Variants in NTM observed in about 807,000 individuals in gnomAD.
NTM encodes neurotrimin, also known as IgLON family member 2.
Under a neutral mutation model 42.1 loss-of-function variants are expected in NTM, and 13 were observed. The observed-to-expected ratio is 0.31, with a 90% CI of 0.20 to 0.49. The LOEUF (loss-of-function observed/expected upper bound fraction) is 0.49. NTM is among the 20% of genes least tolerant of loss of function. The pLI, the probability that NTM is intolerant of heterozygous loss-of-function variation, is 0.99. For synonymous variants in NTM, 187 were observed against 179.2 expected (o/e 1.04, Z -0.35); for missense variants, 373 against 452.8 (o/e 0.82, Z 1.60).
chr11:132,106,393 A>G lies in NTM; in HGVS notation c.168-39889A>G, dbSNP rs567967557. On this transcript the variant is annotated intron_variant, in intron 2 of 8. Transcript: ENST00000683400. ...AGAGGTAATGAGACAACTGGGCTTT[A>G]TCTGGGAAAGGGGCAGCTTGGTCGG... 2.4e-3 allele frequency among the ~76,000 whole-genome samples: 371 copies of G among 152,330 alleles called. 4 individuals are homozygous for G. Among genetic ancestry groups the G allele is most frequent in the Non-Finnish European group, 4.6e-4 (31 of 68,030 alleles).
At chr11:131,560,424 A>C (rs1427018969) in intron 1 of NTM, among the ~76,000 whole-genome samples, 1 of 152,188 alleles carries the variant, frequency 6.6e-6, no homozygotes, top group Admixed American at 6.5e-5. Context: ...TTCTCTAGTA[A>C]TCATATGCTA....
At chr11:131,478,640 T>C (rs1215776059) in intron 1 of NTM, among the ~76,000 whole-genome samples, 1 of 152,220 alleles carries the variant, frequency 6.6e-6, no homozygotes, top group Non-Finnish European at 1.5e-5. Flanking sequence ...AGCACATTCA[T>C]AATCAGAGAC....
chr11:131,873,876 C>T (rs569161609), intron 1 of NTM, among the ~76,000 whole-genome samples: 9 of 141,454 alleles, frequency 6.4e-5, no homozygotes, highest in African/African-American at 1.8e-4. Context: ...TCTCATTGTT[C>T]AGCTCCCACT....
intron 1 of NTM, among the ~76,000 whole-genome samples, chr11:131,526,092 C>T (rs932787114): frequency 1.3e-5 from 2 of 152,182 alleles, no homozygotes; most frequent in African/African-American, 4.8e-5. Context: ...CACAACAGTG[C>T]CATTAGGCAA....
chr11:132,234,775 A>G (rs2088432986), intron 4 of NTM, among the ~76,000 whole-genome samples: 1 of 152,222 alleles, frequency 6.6e-6, no homozygotes, highest in Non-Finnish European at 1.5e-5. Context: ...TTTACATCAA[A>G]AAATTACTAG....
At chr11:131,414,728 C>G (rs1946765114) in intron 1 of NTM, among the ~76,000 whole-genome samples, 1 of 152,178 alleles carries the variant, frequency 6.6e-6, no homozygotes, top group Admixed American at 6.5e-5. Flanking sequence ...GTTCCTCATT[C>G]CTTCTTTAAC....
At chr11:132,286,877 G>C (rs1471834014) in intron 4 of NTM, among the ~76,000 whole-genome samples, 1 of 152,150 alleles carries the variant, frequency 6.6e-6, no homozygotes, top group Admixed American at 6.5e-5. Context: ...GAGAACCCTG[G>C]CTATTCTACC....
chr11:132,192,593 A>G (rs2079488160), intron 3 of NTM, among the ~76,000 whole-genome samples: 1 of 152,192 alleles, frequency 6.6e-6, no homozygotes, highest in Admixed American at 6.5e-5. Context: ...CAACTATGCA[A>G]TCAAGTATAT....
At chr11:131,854,820 C>T (rs2045941440) in intron 1 of NTM, among the ~76,000 whole-genome samples, 1 of 152,192 alleles carries the variant, frequency 6.6e-6, no homozygotes, top group African/African-American at 2.4e-5. Flanking sequence ...AGGGCATAAA[C>T]TGGGTGCTGC....
At chr11:132,279,341 C>T (rs144329193) in intron 4 of NTM, among the ~76,000 whole-genome samples, 1 of 152,204 alleles carries the variant, frequency 6.6e-6, no homozygotes, top group Non-Finnish European at 1.5e-5. Context: ...GACTTGGCCT[C>T]TGCTTCCTCC....
chr11:132,327,777 C>T (rs191743420), intron 7 of NTM, among the ~76,000 whole-genome samples: 244 of 151,796 alleles, frequency 1.6e-3, no homozygotes, highest in African/African-American at 5.7e-3. Flanking sequence ...TTTTCTGTCC[C>T]CCTCTCCCCT....
intron 1 of NTM, among the ~76,000 whole-genome samples, chr11:131,829,055 C>T (rs1212785491): frequency 2.0e-5 from 3 of 151,644 alleles, no homozygotes; most frequent in Admixed American, 6.6e-5. Context: ...ATTGAAAGTT[C>T]AAGATCATAT....
intron 4 of NTM, among the ~76,000 whole-genome samples, chr11:132,267,634 G>A (rs936430565): frequency 3.3e-5 from 5 of 151,920 alleles, no homozygotes; most frequent in African/African-American, 4.8e-5. Context: ...TGGCTGAAAT[G>A]GCAAAACCCT....
chr11:132,260,266 TTAAAGATAAGAGA>T (rs2139522720), intron 4 of NTM, among the ~76,000 whole-genome samples: 1 of 151,968 alleles, frequency 6.6e-6, no homozygotes. Flanking sequence ...CTTTTTTTTT[TTAAAGATAAGAGA>T]ACATAAGTTC....
At chr11:131,751,773 C>G (rs11222771) in intron 1 of NTM, among the ~76,000 whole-genome samples, 33,050 of 142,894 alleles carry the variant, frequency 0.23, 4,097 homozygotes, top group East Asian at 0.38. Flanking sequence ...TCACCCCCCC[C>G]CAAAATATAT....
chr11:131,634,066 T>C (rs1013371681), intron 1 of NTM, among the ~76,000 whole-genome samples: 2 of 152,156 alleles, frequency 1.3e-5, no homozygotes, highest in African/African-American at 4.8e-5. Flanking sequence ...TGTGAGCTGT[T>C]CTGAGTTGCA....
In NTM at chr11:131,508,682, A is replaced by C. The variant is rs1489047582; in HGVS notation, c.82+137794A>C. On this transcript the variant is annotated intron_variant, in intron 1 of 8. Coordinates refer to ENST00000683400, the MANE Select transcript of NTM (RefSeq NM_001352005.2). Reference sequence around the variant, plus strand: ...TGGATGAAGAAAATGTGGCACATATACACCATGGAATACTATGCAGCCATA... The same window carrying C: ...TGGATGAAGAAAATGTGGCACATATCCACCATGGAATACTATGCAGCCATA... Among the ~76,000 whole-genome samples the C allele has an allele frequency of 5.3e-5, 8 of 151,214 alleles. No individual in the cohort carries two copies. The East Asian group carries it at 5.8e-4, about 11-fold the overall frequency.
At position 132,003,904 on chromosome 11, in the gene NTM, C is replaced by T. The variant is rs1041071411; in HGVS notation, c.167+92256C>T. 5.3e-5 allele frequency among the ~76,000 whole-genome samples: 8 copies of T among 152,206 alleles called. No homozygotes were observed. Among genetic ancestry groups the T allele is most frequent in the Non-Finnish European group, 1.0e-4 (7 of 68,038 alleles). On this transcript the variant is annotated intron_variant, in intron 2 of 8. Transcript: ENST00000683400. This position sits in a 1 kb window ranked among gnomAD's most constrained non-coding sequence, Gnocchi z 6.0. Reference sequence around the variant, plus strand: ...ATTCTCATGTAGACTTCTTTTTGAACATTCTTTAGCCACTCGATGGCCCAG... The same window carrying T: ...ATTCTCATGTAGACTTCTTTTTGAATATTCTTTAGCCACTCGATGGCCCAG...
At chr11:131,424,534 A>G (rs926341426) in intron 1 of NTM, among the ~76,000 whole-genome samples, 2 of 150,776 alleles carry the variant, frequency 1.3e-5, no homozygotes, top group Non-Finnish European at 2.9e-5. Context: ...TTATCTCAGC[A>G]GGAGCATGCT....
Sources: allele counts gnomAD v4.1 joint callset (sites outside exome capture counted in the v4.1 genomes callset), GRCh38; gene constraint gnomAD v4.1.1; non-coding constraint Gnocchi (gnomAD v3.1); transcripts MANE v1.5; gene names NCBI Gene and HGNC (gene_info 2026-07-23, HGNC 2026-07-21).